The following MEIOSIN variants were observed in gnomAD, a reference collection of about 807,000 sequenced individuals.
MEIOSIN encodes the protein meiosis initiator.
Under a neutral mutation model 23.4 loss-of-function variants are expected in MEIOSIN, and 18 were observed. The observed-to-expected ratio is 0.77, with a 90% CI of 0.53 to 1.14. MEIOSIN has a LOEUF of 1.14. MEIOSIN is among the 50% of genes most tolerant of loss of function. The pLI, the probability that MEIOSIN is intolerant of heterozygous loss-of-function variation, is 0.00. For synonymous variants in MEIOSIN, 187 were observed against 100.6 expected, an observed-to-expected ratio of 1.86 and a Z score of -5.14; for missense variants, 428 against 242.9, an observed-to-expected ratio of 1.76 and a Z score of -5.07.
chr19:45,745,268 T>G lies in MEIOSIN; in HGVS notation c.253T>G (p.Leu85Val). The change falls in exon 4 of 15, where the codon TTG becomes GTG. Residue 85 changes from leucine (L) to valine (V), a missense_variant. Coordinates refer to ENST00000457052, the MANE Select transcript of MEIOSIN (RefSeq NM_001310124.2). ...AAACCACACTAGCAAGCTGCAAGAG[T>G]TGGCACTGCTGCTGCCCATAGCCCT... The part of the protein sequence containing the change: ...RKNHTSKLQE[L>V]ALLLPIALKT... 1 of 702,614 alleles carries G rather than the reference T, an allele frequency of 1.4e-6. No homozygotes were observed. Among genetic ancestry groups the G allele is most frequent in the Non-Finnish European group, 2.6e-6 (1 of 384,938 alleles). The allele number at this position is 702,614 out of a possible 1,614,324, so 43.5% of individuals were successfully genotyped here. A position where few individuals can be genotyped will look rare whatever the true frequency, so the allele number is the denominator to read the frequency against.
At chr19:45,736,352 G>C (rs1176638926) in intron 2 of MEIOSIN, among the ~76,000 whole-genome samples, 1 of 151,868 alleles carries the variant, frequency 6.6e-6, no homozygotes, top group African/African-American at 2.4e-5. Context: ...GACATTCTGA[G>C]TGTCTTTCTT....
intron 5 of MEIOSIN, 140 bp downstream of exon 5, chr19:45,750,926 G>C (rs1014748533): frequency 2.6e-6 from 1 of 390,994 alleles, no homozygotes; most frequent in African/African-American, 2.1e-5. Flanking sequence ...AGAGAAGAGG[G>C]GCCTTGGAGC....
At chr19:45,747,069 G>T (rs1262053238) in intron 4 of MEIOSIN, among the ~76,000 whole-genome samples, 1 of 152,124 alleles carries the variant, frequency 6.6e-6, no homozygotes, top group Non-Finnish European at 1.5e-5. Flanking sequence ...CCCTCCCCTC[G>T]AGGAATGGCA....
intron 13 of MEIOSIN, among the ~76,000 whole-genome samples, chr19:45,763,123 G>A (rs1383682420): frequency 6.6e-6 from 1 of 152,238 alleles, no homozygotes; most frequent in Non-Finnish European, 1.5e-5. Flanking sequence ...AGATCCAGAT[G>A]TGGGGGCCAG....
At chr19:45,757,117 C>G (rs4802275) in intron 8 of MEIOSIN, 60 bp from the exon 9 acceptor site, 1 of 691,152 alleles carries the variant, frequency 1.4e-6, no homozygotes, top group East Asian at 2.7e-5. Flanking sequence ...CCAAAGGGGC[C>G]CCATAGCAGT....
At chr19:45,763,731 C>A (rs531094085) in intron 14 of MEIOSIN, among the ~76,000 whole-genome samples, 2 of 152,282 alleles carry the variant, frequency 1.3e-5, no homozygotes, top group South Asian at 4.2e-4. Context: ...TCGACTCCCC[C>A]GAATCCTGTC....
intron 4 of MEIOSIN, among the ~76,000 whole-genome samples, chr19:45,748,318 G>C (rs1462363779): frequency 6.6e-6 from 1 of 152,166 alleles, no homozygotes; most frequent in Admixed American, 6.6e-5. Context: ...CTGACTTCGT[G>C]ATCCACCCGC....
At chr19:45,737,175 CTTTT>C (rs754481912) in intron 2 of MEIOSIN, among the ~76,000 whole-genome samples, 2 of 140,650 alleles carry the variant, frequency 1.4e-5, no homozygotes, top group African/African-American at 2.6e-5. Context: ...GGCTTCTTTC[CTTTT>C]TTTTTTTTTT....
intron 7 of MEIOSIN, among the ~76,000 whole-genome samples, chr19:45,755,410 A>G (rs535308406): frequency 6.6e-6 from 1 of 150,508 alleles, no homozygotes; most frequent in South Asian, 2.1e-4. Flanking sequence ...TGGCCTCCCA[A>G]AGTGCTGGGA....
In MEIOSIN at chr19:45,733,880, T is replaced by A. The variant is rs530537961; in HGVS notation, c.-1+214T>A. On this transcript the variant is annotated intron_variant, in intron 1 of 14. Transcript: ENST00000457052. This position sits in a 1 kb window ranked among gnomAD's most constrained non-coding sequence, Gnocchi z 5.7. ...AGTTTGAGGAACGGAAGACTCTGTT[T>A]GTGTTGGGAATCCGGGCTCTCGAGT... 1.1e-4 allele frequency among the ~76,000 whole-genome samples: 16 copies of A among 151,904 alleles called. No individual in the cohort carries two copies. The highest frequency in any genetic ancestry group is 2.2e-4 in the Non-Finnish European group (15 of 67,996).
chr19:45,751,950 C>G (rs757381493), intron 5 of MEIOSIN, among the ~76,000 whole-genome samples: 2 of 150,546 alleles, frequency 1.3e-5, no homozygotes, highest in Non-Finnish European at 2.9e-5. Context: ...CCAGGCTGGT[C>G]TCAAACTCCT....
intron 2 of MEIOSIN, among the ~76,000 whole-genome samples, chr19:45,738,303 C>A (rs935754371): frequency 2.0e-5 from 3 of 152,186 alleles, no homozygotes; most frequent in Non-Finnish European, 2.9e-5. Context: ...TCCTGATAAA[C>A]CCATCATAAA....
intron 8 of MEIOSIN, 75 bp downstream of exon 8, chr19:45,756,153 G>T: frequency 1.5e-6 from 1 of 684,334 alleles, no homozygotes; most frequent in South Asian, 1.5e-5. Flanking sequence ...GTAGTGGGAA[G>T]ACAGGCCAAG....
At chr19:45,750,360 CTTTTT>C (rs11295860) in intron 4 of MEIOSIN, among the ~76,000 whole-genome samples, 1 of 98,522 alleles carries the variant, frequency 1.0e-5, no homozygotes, top group Non-Finnish European at 2.0e-5. Context: ...TTTTCTTTTT[CTTTTT>C]TTTTTTTTTT....
At chr19:45,741,078 G>A (rs922446802) in intron 3 of MEIOSIN, among the ~76,000 whole-genome samples, 1 of 151,962 alleles carries the variant, frequency 6.6e-6, no homozygotes, top group African/African-American at 2.4e-5. Flanking sequence ...CGCTGGGTGC[G>A]GTGGCTCACG....
chr19:45,745,735 A>G (rs1309254270), intron 4 of MEIOSIN, among the ~76,000 whole-genome samples: 1 of 151,788 alleles, frequency 6.6e-6, no homozygotes, highest in Non-Finnish European at 1.5e-5. Flanking sequence ...CCCGGCTAAT[A>G]GTTTTTTTGT....
intron 2 of MEIOSIN, among the ~76,000 whole-genome samples, chr19:45,735,892 G>A (rs537564053): frequency 6.6e-6 from 1 of 152,120 alleles, no homozygotes; most frequent in Non-Finnish European, 1.5e-5. Context: ...CCCCAGGCTA[G>A]TCTTCAACTC....
At chr19:45,755,569 A>G (rs1388261169) in intron 7 of MEIOSIN, among the ~76,000 whole-genome samples, 4 of 152,082 alleles carry the variant, frequency 2.6e-5, no homozygotes, top group African/African-American at 4.8e-5. Context: ...TCTCTGCCTC[A>G]GCCTCCTGAG....
At chr19:45,750,595 A>C (rs747127431) in intron 4 of MEIOSIN, 80 bp from the exon 5 acceptor site, 2 of 411,444 alleles carry the variant, frequency 4.9e-6, no homozygotes, top group Non-Finnish European at 8.8e-6. Flanking sequence ...TCCTGACCTC[A>C]TGATCCGCCC....
Sources: gnomAD v4.1 joint callset for allele counts (sites outside exome capture counted in the v4.1 genomes callset) on GRCh38, gnomAD v4.1.1 for gene constraint, Gnocchi (gnomAD v3.1) non-coding constraint, MANE v1.5 for transcripts, NCBI Gene and HGNC (gene_info 2026-07-23, HGNC 2026-07-21) for gene names.